KCNIP4: variants seen among roughly 807,000 people sequenced by gnomAD.
The protein encoded by KCNIP4 is Kv channel-interacting protein 4.
A neutral mutation model predicts 34.0 loss-of-function variants in KCNIP4; 12 were observed. That is an observed-to-expected ratio of 0.35 (90% CI 0.23 to 0.57). The LOEUF is 0.57. Among genes scored for constraint, KCNIP4 ranks in the 20% least tolerant of loss-of-function variants. The pLI is 0.83. For synonymous variants in KCNIP4, 124 were observed against 102.2 expected (o/e 1.21, Z -1.29); for missense variants, 238 against 311.7 (o/e 0.76, Z 1.78).
intron 1 of KCNIP4, among the ~76,000 whole-genome samples, chr4:21,506,912 C>CAAAG (rs1432284618): frequency 3.4e-4 from 51 of 151,940 alleles, no homozygotes; most frequent in African/African-American, 1.2e-3. Flanking sequence ...CTGTCTCAGC[C>CAAAG]TCCCAAGTAG....
chr4:21,303,679 G>T, intron 1 of KCNIP4: 1 of 624,192 alleles, frequency 1.6e-6, no homozygotes, highest in South Asian at 2.8e-5. Flanking sequence ...TGAAAAACCT[G>T]GCTTCCTTCA....
intron 1 of KCNIP4, among the ~76,000 whole-genome samples, chr4:21,608,068 C>G (rs1433481539): frequency 2.0e-5 from 3 of 151,764 alleles, no homozygotes; most frequent in Non-Finnish European, 4.4e-5. Context: ...GTGCTTTTCT[C>G]TTAAAGGCTT....
intron 1 of KCNIP4, among the ~76,000 whole-genome samples, chr4:21,628,257 T>C (rs1041356911): frequency 2.6e-5 from 4 of 152,162 alleles, no homozygotes; most frequent in Non-Finnish European, 4.4e-5. Flanking sequence ...TTAAACATGA[T>C]TTAATGAGCT....
chr4:21,015,816 C>G (rs1478001559), intron 1 of KCNIP4, among the ~76,000 whole-genome samples: 1 of 121,292 alleles, frequency 8.2e-6, no homozygotes, highest in Non-Finnish European at 1.7e-5. Flanking sequence ...CTATATATAC[C>G]ATATATAAAA....
intron 2 of KCNIP4, among the ~76,000 whole-genome samples, chr4:20,871,579 T>A (rs983803683): frequency 2.6e-5 from 4 of 152,084 alleles, no homozygotes; most frequent in Non-Finnish European, 4.4e-5. Flanking sequence ...GTGGGTTTCC[T>A]CTCCTGGTGG....
intron 1 of KCNIP4, chr4:21,850,179 A>G (rs1724286346): frequency 6.6e-6 from 1 of 152,102 alleles, no homozygotes; most frequent in Non-Finnish European, 1.5e-5. Context: ...GCTGTTTAGG[A>G]CATATAAAAT....
chr4:21,345,676 T>C (rs1366953701), intron 1 of KCNIP4, among the ~76,000 whole-genome samples: 1 of 152,144 alleles, frequency 6.6e-6, no homozygotes, highest in Admixed American at 6.6e-5. Context: ...TGTCAAAAGC[T>C]GGCCTCCTCA....
chr4:20,873,847 C>A (rs75174944), intron 2 of KCNIP4, among the ~76,000 whole-genome samples: 1 of 152,210 alleles, frequency 6.6e-6, no homozygotes, highest in Non-Finnish European at 1.5e-5. Flanking sequence ...GGCTGCTTCT[C>A]TTTCATACTT....
intron 1 of KCNIP4, among the ~76,000 whole-genome samples, chr4:20,913,044 A>C (rs900274220): frequency 1.3e-5 from 2 of 152,198 alleles, no homozygotes; most frequent in African/African-American, 4.8e-5. Flanking sequence ...CCTGAAGAAC[A>C]GTGAAAATAT....
At chr4:21,780,036 T>C (rs761649687) in intron 1 of KCNIP4, among the ~76,000 whole-genome samples, 1 of 152,138 alleles carries the variant, frequency 6.6e-6, no homozygotes, top group Middle Eastern at 3.4e-3. Context: ...CTCGGATGCT[T>C]AGTAAATATT....
intron 1 of KCNIP4, among the ~76,000 whole-genome samples, chr4:21,204,796 G>A (rs552814809): frequency 5.7e-4 from 87 of 152,270 alleles, no homozygotes; most frequent in African/African-American, 2.0e-3. Context: ...TTTAATTCAT[G>A]TGTTCAACAA....
chr4:21,220,509 G>T (rs1757913368), intron 1 of KCNIP4, among the ~76,000 whole-genome samples: 1 of 152,060 alleles, frequency 6.6e-6, no homozygotes, highest in Non-Finnish European at 1.5e-5. Flanking sequence ...GTATACATAT[G>T]TAACAAACCT....
intron 1 of KCNIP4, among the ~76,000 whole-genome samples, chr4:21,689,068 A>C (rs1412383801): frequency 2.0e-5 from 3 of 152,046 alleles, no homozygotes; most frequent in Non-Finnish European, 4.4e-5. Flanking sequence ...TGACAGGGCA[A>C]CTGGGAATCA....
chr4:21,807,778 A>C (rs1721392921), intron 1 of KCNIP4, among the ~76,000 whole-genome samples: 1 of 152,152 alleles, frequency 6.6e-6, no homozygotes, highest in Non-Finnish European at 1.5e-5. Context: ...ACATAAAACT[A>C]ATTGCATCCA....
At position 21,261,722 on chromosome 4, in the gene KCNIP4, C is replaced by A. The variant is rs75405134; in HGVS notation, c.62-379013G>T. Among the ~76,000 whole-genome samples, 214 of 152,240 alleles carry A rather than the reference C, an allele frequency of 1.4e-3. 3 individuals are homozygous for A. In the East Asian group the frequency reaches 0.034, roughly 24 times the overall value. On this transcript the variant is annotated intron_variant, in intron 1 of 8. Transcript: ENST00000382152. ...CCTAATCTATTAAGTCCTATTGGCT[C>A]TACGTCTACAATACAAGCTAGTGCC... is the stretch of plus-strand genomic sequence containing the variant.
intron 5 of KCNIP4, among the ~76,000 whole-genome samples, chr4:20,735,170 C>CT (rs1174725048): frequency 1.3e-5 from 2 of 152,158 alleles, no homozygotes; most frequent in African/African-American, 4.8e-5. Context: ...CAATTGTGGT[C>CT]TTTAATTAGA....
intron 1 of KCNIP4, among the ~76,000 whole-genome samples, chr4:20,986,391 C>T (rs964788074): frequency 7.2e-5 from 11 of 152,142 alleles, no homozygotes; most frequent in Middle Eastern, 3.4e-3. Flanking sequence ...AAGCCTGTGG[C>T]GGGGAAGCAG....
Position 21,514,084 on chromosome 4 carries a change from T to G in KCNIP4, c.61+434487A>C, listed in dbSNP as rs1005269992. On this transcript the variant is annotated intron_variant, in intron 1 of 8. Transcript: ENST00000382152. ...CTTGAGAAAAGTGAAGGTATTAGCCTTGTGTTGTCACTCTTTCTAACGTGA... is the reference window on the plus strand; with the variant it reads ...CTTGAGAAAAGTGAAGGTATTAGCCGTGTGTTGTCACTCTTTCTAACGTGA... Among the ~76,000 whole-genome samples, 3 of 152,166 alleles carry G rather than the reference T, an allele frequency of 2.0e-5. No homozygotes were observed. The East Asian group carries it at 5.8e-4, about 29-fold the overall frequency.
chr4:21,276,008 G>A (rs12640602), intron 1 of KCNIP4, among the ~76,000 whole-genome samples: 23,957 of 152,156 alleles, frequency 0.16, 2,614 homozygotes, highest in African/African-American at 0.31. Context: ...TTACACATTT[G>A]TGTTGGGGCC....
Sources: allele counts gnomAD v4.1 joint callset (sites outside exome capture counted in the v4.1 genomes callset), GRCh38; gene constraint gnomAD v4.1.1; transcripts MANE v1.5; gene names NCBI Gene and HGNC (gene_info 2026-07-23, HGNC 2026-07-21).